The following FGD3 variants were observed in gnomAD, a reference collection of about 807,000 sequenced individuals.
The protein encoded by FGD3 is FYVE, RhoGEF and PH domain-containing protein 3.
A neutral mutation model predicts 71.8 loss-of-function variants in FGD3; 45 were observed. That is an observed-to-expected ratio of 0.63 (90% CI 0.49 to 0.80). The LOEUF (loss-of-function observed/expected upper bound fraction) is 0.80. Among genes scored for constraint, FGD3 ranks in the 30% least tolerant of loss-of-function variants. The pLI is 0.00. For synonymous variants in FGD3, 378 were observed against 392.8 expected (o/e 0.96, Z 0.44); for missense variants, 844 against 951.5 (o/e 0.89, Z 1.49).
chr9:93,007,140 G>A (rs1027824454), intron 6 of FGD3, among the ~76,000 whole-genome samples: 7 of 151,442 alleles, frequency 4.6e-5, no homozygotes, highest in African/African-American at 1.7e-4. Context: ...GCCCAGGCTG[G>A]AGTGCAGTGG....
intron 3 of FGD3, among the ~76,000 whole-genome samples, chr9:92,993,867 G>C (rs1378172135): frequency 6.6e-6 from 1 of 152,104 alleles, no homozygotes; most frequent in Non-Finnish European, 1.5e-5. Flanking sequence ...GTCTATTATT[G>C]ATGGACATTT....
At chr9:93,012,692 T>G (rs59225313) in intron 8 of FGD3, among the ~76,000 whole-genome samples, 60,729 of 116,000 alleles carry the variant, frequency 0.52, 15,098 homozygotes, top group African/African-American at 0.72. Context: ...GGTGGCGGGG[T>G]GTGGGGGGGG....
intron 16 of FGD3, chr9:93,033,230 G>C (rs1389442942): frequency 2.7e-6 from 1 of 365,484 alleles, no homozygotes; most frequent in Non-Finnish European, 5.4e-6. Context: ...CTCTCTGCCT[G>C]CCTCACCTCC....
In FGD3 at chr9:92,953,301, A is replaced by T. The variant is rs558637837; in HGVS notation, c.-218+5572A>T. ...ATCAGGGCTCTTTGTTAAGGATAAG[A>T]AACAATCGCTTCCACTTCAGGCTCT... On this transcript the variant is annotated intron_variant, in intron 1 of 17. Coordinates refer to ENST00000375482, the MANE Select transcript of FGD3 (RefSeq NM_001083536.2). Among the ~76,000 whole-genome samples, 230 of 152,292 alleles carry T rather than the reference A, an allele frequency of 1.5e-3. 1 individual carries two copies. The Middle Eastern group carries it at 0.024, about 16-fold the overall frequency.
intron 5 of FGD3, among the ~76,000 whole-genome samples, 178 bp downstream of exon 5, chr9:93,004,315 C>T (rs924034779): frequency 6.6e-6 from 1 of 152,200 alleles, no homozygotes. Context: ...TGACCTTGAC[C>T]AGCCACTTAC....
At position 93,019,398 on chromosome 9, in the gene FGD3, T is replaced by C. The variant is rs921200896; in HGVS notation, c.1356-433T>C. Among the ~76,000 whole-genome samples the C allele has an allele frequency of 9.2e-5, 14 of 152,202 alleles. No individual in the cohort carries two copies. In the East Asian group the frequency reaches 1.7e-3, roughly 19 times the overall value. On this transcript the variant is annotated intron_variant, in intron 11 of 17. Transcript: ENST00000375482. ...CGGCTGCAAGCAGTGTCCTTGTTTT[T>C]AGGTGTTTCTGCATATGTGTAATTG... is the stretch of plus-strand genomic sequence containing the variant.
intron 3 of FGD3, among the ~76,000 whole-genome samples, chr9:92,990,788 T>C (rs1244516119): frequency 6.6e-6 from 1 of 152,236 alleles, no homozygotes; most frequent in African/African-American, 2.4e-5. Context: ...TGTGGTTTGT[T>C]ATCTTTTTCA....
intron 1 of FGD3, among the ~76,000 whole-genome samples, chr9:92,968,594 TTTTTCTTTCTTTC>T (rs1859418718): frequency 9.3e-6 from 1 of 107,590 alleles, no homozygotes; most frequent in Non-Finnish European, 1.9e-5. Flanking sequence ...TTTCTTTTCT[TTTTTCTTTCTTTC>T]TTTTTTTTTT....
chr9:92,964,676 G>A (rs1158793084), intron 1 of FGD3, among the ~76,000 whole-genome samples: 3 of 152,184 alleles, frequency 2.0e-5, no homozygotes, highest in East Asian at 1.9e-4. Flanking sequence ...CAAGATGAAC[G>A]GTGCCTGCCC....
intron 3 of FGD3, among the ~76,000 whole-genome samples, chr9:92,985,940 A>G (rs1374452955): frequency 6.6e-6 from 1 of 152,176 alleles, no homozygotes; most frequent in Non-Finnish European, 1.5e-5. Flanking sequence ...TTACTTTCCT[A>G]TTATCTTGAA....
intron 3 of FGD3, among the ~76,000 whole-genome samples, chr9:92,997,793 G>T (rs1417054829): frequency 3.3e-5 from 5 of 152,116 alleles, no homozygotes; most frequent in Non-Finnish European, 7.3e-5. Context: ...GTTGAATATT[G>T]GCCCCCACTC....
At chr9:92,963,540 T>G (rs1285323240) in intron 1 of FGD3, among the ~76,000 whole-genome samples, 3 of 152,128 alleles carry the variant, frequency 2.0e-5, no homozygotes, top group Non-Finnish European at 2.9e-5. Context: ...CCTCAAGTGA[T>G]CCTCCCTCCT....
At chr9:92,974,190 G>T (rs1201492747) in intron 1 of FGD3, among the ~76,000 whole-genome samples, 2 of 152,080 alleles carry the variant, frequency 1.3e-5, no homozygotes, top group Non-Finnish European at 1.5e-5. Context: ...GTTGAACCAG[G>T]CTCTGTCTTG....
At chr9:92,979,920 C>G (rs1475311105) in intron 3 of FGD3, among the ~76,000 whole-genome samples, 1 of 151,164 alleles carries the variant, frequency 6.6e-6, no homozygotes, top group Non-Finnish European at 1.5e-5. Flanking sequence ...TGTAATGTCC[C>G]CTCTTTCATT....
At chr9:93,029,138 TCTC>T (rs1480317506) in intron 14 of FGD3, among the ~76,000 whole-genome samples, 2 of 149,984 alleles carry the variant, frequency 1.3e-5, no homozygotes, top group South Asian at 2.1e-4. Context: ...TTGAAGCAAT[TCTC>T]CTGCCTCAGC....
At chr9:92,982,633 C>T (rs10821050) in intron 3 of FGD3, among the ~76,000 whole-genome samples, 89,629 of 150,922 alleles carry the variant, frequency 0.59, 26,820 homozygotes, top group South Asian at 0.67. Flanking sequence ...GCAAGATCAC[C>T]GTTCATGCAG....
intron 14 of FGD3, among the ~76,000 whole-genome samples, chr9:93,026,201 C>T (rs529174470): frequency 5.3e-5 from 8 of 152,262 alleles, no homozygotes; most frequent in South Asian, 4.1e-4. Flanking sequence ...TCTGGGTCAA[C>T]GCTGGTGTGT....
chr9:93,009,434 G>A (rs1236056586), intron 6 of FGD3, among the ~76,000 whole-genome samples: 1 of 152,232 alleles, frequency 6.6e-6, no homozygotes, highest in Admixed American at 6.5e-5. Flanking sequence ...CCTGAGCCAG[G>A]TGAGGGTGGT....
At chr9:93,001,514 T>A (rs1296402960) in intron 3 of FGD3, among the ~76,000 whole-genome samples, 1 of 152,194 alleles carries the variant, frequency 6.6e-6, no homozygotes, top group East Asian at 1.9e-4. Flanking sequence ...GAGAGCTGCC[T>A]TAGACTCTCC....
Sources: allele counts gnomAD v4.1 joint callset (sites outside exome capture counted in the v4.1 genomes callset), GRCh38; gene constraint gnomAD v4.1.1; transcripts MANE v1.5; gene names NCBI Gene and HGNC (gene_info 2026-07-23, HGNC 2026-07-21).